Variants in NEIL3 observed in about 807,000 individuals in gnomAD.
NEIL3 encodes the protein nei like DNA glycosylase 3.
NEIL3 carries 48 observed loss-of-function variants against 57.5 expected under a neutral mutation model. That is an observed-to-expected ratio of 0.83 (90% CI 0.66 to 1.06). The LOEUF is 1.06. Among genes scored for constraint, NEIL3 ranks in the 50% least tolerant of loss-of-function variants. The probability of loss-of-function intolerance (pLI) is 0.00; values close to 1 mark genes in which losing one functional copy is unlikely to be tolerated. For synonymous variants in NEIL3, 261 were observed against 253.2 expected (o/e 1.03, Z -0.29); for missense variants, 717 against 739.1 (o/e 0.97, Z 0.35).
At chr4:177,345,011 T>A (rs35055666) in intron 6 of NEIL3, among the ~76,000 whole-genome samples, 17,723 of 152,228 alleles carry the variant, frequency 0.12, 1,378 homozygotes, top group Admixed American at 0.26. Context: ...TAGGGTCTGC[T>A]ATACACCAGG....
chr4:177,370,367 A>G, the NEIL3 span, among the ~76,000 whole-genome samples: 1 of 152,266 alleles, frequency 6.6e-6, no homozygotes, highest in Middle Eastern at 3.4e-3. Flanking sequence ...AACACTGACT[A>G]TATAGTGTTT....
chr4:177,362,336 C>A lies in NEIL3; in HGVS notation c.1683C>A (p.Thr561=), dbSNP rs760754763. The A allele has an allele frequency of 6.2e-7, 1 of 1,612,164 alleles. No homozygotes were observed. The highest frequency in any genetic ancestry group is 2.2e-5 in the East Asian group (1 of 44,782). The change falls in exon 10 of 10, where the codon ACC becomes ACA. Residue 561 remains threonine (T), a synonymous_variant. Coordinates refer to ENST00000264596, the MANE Select transcript of NEIL3 (RefSeq NM_018248.3). The stretch of plus-strand genomic sequence containing the variant: ...TCTGCAACCATGGCAAGCGTTCCAC[C>A]ATGAAAACAGTATTGAAGATTGGAC... ...FPFCNHGKRS[T]MKTVLKIGPN...
At chr4:177,316,863 G>A (rs1324346239) in intron 1 of NEIL3, among the ~76,000 whole-genome samples, 1 of 152,180 alleles carries the variant, frequency 6.6e-6, no homozygotes, top group Non-Finnish European at 1.5e-5. Flanking sequence ...CAGGTAGAAA[G>A]CCTCAAGATT....
chr4:177,334,227 T>C (rs2110904564), intron 2 of NEIL3, among the ~76,000 whole-genome samples: 1 of 152,242 alleles, frequency 6.6e-6, no homozygotes, highest in African/African-American at 2.4e-5. Flanking sequence ...TGATACATTT[T>C]TTATAGTTTA....
At chr4:177,323,679 C>G (rs1734729438) in intron 2 of NEIL3, among the ~76,000 whole-genome samples, 2 of 152,192 alleles carry the variant, frequency 1.3e-5, no homozygotes, top group Admixed American at 6.5e-5. Flanking sequence ...TGATGGAAAA[C>G]TCATAGCTCT....
chr4:177,371,145 A>G, the NEIL3 span, among the ~76,000 whole-genome samples: 1 of 152,204 alleles, frequency 6.6e-6, no homozygotes. Context: ...AAACTGCAAA[A>G]CAAATTCAAA....
At chr4:177,311,830 T>A (rs1734480204) in intron 1 of NEIL3, among the ~76,000 whole-genome samples, 1 of 151,822 alleles carries the variant, frequency 6.6e-6, no homozygotes, top group African/African-American at 2.4e-5. Context: ...AAATTTGGGG[T>A]CAAGTGCTGG....
At chr4:177,332,040 A>C (rs2110902116) in intron 2 of NEIL3, among the ~76,000 whole-genome samples, 1 of 152,178 alleles carries the variant, frequency 6.6e-6, no homozygotes, top group Non-Finnish European at 1.5e-5. Context: ...GTCGCTTGTG[A>C]CTCAGTGGGA....
chr4:177,350,328 A>C (rs1056820541), intron 6 of NEIL3, among the ~76,000 whole-genome samples: 2 of 152,222 alleles, frequency 1.3e-5, no homozygotes, highest in Admixed American at 6.5e-5. Flanking sequence ...GACATGCTCT[A>C]TATCCAGACC....
intron 1 of NEIL3, among the ~76,000 whole-genome samples, chr4:177,317,928 A>G (rs1368609026): frequency 6.6e-6 from 1 of 152,114 alleles, no homozygotes; most frequent in Non-Finnish European, 1.5e-5. Flanking sequence ...GATAGATGAC[A>G]GTAGGTTTGC....
intron 1 of NEIL3, 33 bp downstream of exon 1, chr4:177,310,142 G>C: frequency 6.6e-7 from 1 of 1,515,560 alleles, no homozygotes; most frequent in Non-Finnish European, 8.8e-7. Context: ...CATGCAGTCA[G>C]CAGGGGGGAA....
chr4:177,348,746 A>G (rs927735918), intron 6 of NEIL3, among the ~76,000 whole-genome samples: 1 of 152,086 alleles, frequency 6.6e-6, no homozygotes, highest in Non-Finnish European at 1.5e-5. Context: ...GGGATGTGAG[A>G]AAAGGAAGTG....
rs1734961633 is a variant in NEIL3, at chr4:177,335,709, C to T, written c.300C>T (p.Gly100=). Reference sequence around the variant, plus strand: ...TCAGGATTCATTTCGGAATGAAAGGCTTCATCATGATTAATCCACTTGAGT... The same window carrying T: ...TCAGGATTCATTTCGGAATGAAAGGTTTCATCATGATTAATCCACTTGAGT... The part of the protein sequence containing the change: ...KALRIHFGMK[G]FIMINPLEYK... The change falls in exon 3 of 10, where the codon GGC becomes GGT. Residue 100 remains glycine, a synonymous_variant. Coordinates refer to ENST00000264596, the MANE Select transcript of NEIL3 (RefSeq NM_018248.3). 3 of 1,608,524 alleles carry T rather than the reference C, an allele frequency of 1.9e-6. No homozygotes were observed. Among genetic ancestry groups the T allele is most frequent in the Non-Finnish European group, 1.7e-6 (2 of 1,177,716 alleles).
intron 1 of NEIL3, among the ~76,000 whole-genome samples, chr4:177,318,228 G>A (rs1281940419): frequency 6.6e-6 from 1 of 152,118 alleles, no homozygotes; most frequent in Admixed American, 6.5e-5. Flanking sequence ...AATATTATTA[G>A]GAGTCCTAAG....
chr4:177,371,008 A>G, the NEIL3 span, among the ~76,000 whole-genome samples: 1 of 152,224 alleles, frequency 6.6e-6, no homozygotes, highest in Non-Finnish European at 1.5e-5. Flanking sequence ...ATCTATATTT[A>G]TGTGGGCACT....
At chr4:177,314,151 C>A (rs746546590) in intron 1 of NEIL3, among the ~76,000 whole-genome samples, 2 of 152,100 alleles carry the variant, frequency 1.3e-5, no homozygotes, top group African/African-American at 4.8e-5. Context: ...TACTTCCTTA[C>A]CTTCTTAAAT....
chr4:177,356,594 T>C (rs895645808), intron 8 of NEIL3, among the ~76,000 whole-genome samples: 1 of 152,214 alleles, frequency 6.6e-6, no homozygotes, highest in Admixed American at 6.5e-5. Flanking sequence ...AACATAATAC[T>C]ATTAAAGCAG....
chr4:177,320,564 A>G (rs1463354192), intron 1 of NEIL3, among the ~76,000 whole-genome samples: 1 of 127,644 alleles, frequency 7.8e-6, no homozygotes, highest in Non-Finnish European at 1.5e-5. Context: ...TGCAAGCTCC[A>G]CCTCCAGGGT....
At chr4:177,322,625 G>C (rs1216531209) in intron 2 of NEIL3, 45 bp downstream of exon 2, 1 of 1,611,816 alleles carries the variant, frequency 6.2e-7, no homozygotes, top group South Asian at 1.1e-5. Context: ...TATATTTAAA[G>C]ATGCGTAGAA....
Sources: allele counts gnomAD v4.1 joint callset (sites outside exome capture counted in the v4.1 genomes callset), GRCh38; gene constraint gnomAD v4.1.1; transcripts MANE v1.5; gene names NCBI Gene and HGNC (gene_info 2026-07-23, HGNC 2026-07-21).